GALNT17: variants seen among roughly 807,000 people sequenced by gnomAD.
The protein encoded by GALNT17 is UDP-GalNAc:polypeptide N-acetylgalactosaminyltransferase-like 3.
A neutral mutation model predicts 63.7 loss-of-function variants in GALNT17; 29 were observed. The observed-to-expected ratio is 0.46, with a 90% CI of 0.34 to 0.62. GALNT17 has a LOEUF of 0.62. Ranked by LOEUF, GALNT17 falls within the 20% of genes least tolerant of loss-of-function variation. The pLI, the probability that GALNT17 is intolerant of heterozygous loss-of-function variation, is 0.01. For missense variants in GALNT17, 603 were observed against 799.6 expected, an observed-to-expected ratio of 0.75 and a Z score of 2.97; for synonymous variants, 305 against 318.3, an observed-to-expected ratio of 0.96 and a Z score of 0.45.
At chr7:71,170,663 T>A (rs1194501095) in intron 1 of GALNT17, among the ~76,000 whole-genome samples, 1 of 152,078 alleles carries the variant, frequency 6.6e-6, no homozygotes, top group Non-Finnish European at 1.5e-5. Context: ...AGTAGCTTAT[T>A]TTGAATTTTG....
intron 5 of GALNT17, among the ~76,000 whole-genome samples, chr7:71,484,205 G>A (rs1188477207): frequency 2.0e-5 from 3 of 152,094 alleles, no homozygotes; most frequent in Non-Finnish European, 2.9e-5. Flanking sequence ...ATTATATACC[G>A]GGCCAGATGC....
chr7:71,253,027 T>C (rs1790227949), intron 1 of GALNT17, among the ~76,000 whole-genome samples: 1 of 152,222 alleles, frequency 6.6e-6, no homozygotes, highest in Non-Finnish European at 1.5e-5. Flanking sequence ...TTAAAAATGC[T>C]CTGTGTGCAA....
Sources: allele counts gnomAD v4.1 joint callset (sites outside exome capture counted in the v4.1 genomes callset), GRCh38; gene constraint gnomAD v4.1.1; transcripts MANE v1.5; gene names NCBI Gene and HGNC (gene_info 2026-07-23, HGNC 2026-07-21).